FAM13B: variants seen among roughly 807,000 people sequenced by gnomAD.
The protein encoded by FAM13B is protein FAM13B.
Under a neutral mutation model 117.3 loss-of-function variants are expected in FAM13B, and 60 were observed. The observed-to-expected ratio is 0.51, with a 90% CI of 0.42 to 0.63. FAM13B has a LOEUF of 0.63. Among genes scored for constraint, FAM13B ranks in the 30% least tolerant of loss-of-function variants. The probability of loss-of-function intolerance (pLI) is 0.00; values close to 1 mark genes in which losing one functional copy is unlikely to be tolerated. For synonymous variants in FAM13B, 332 were observed against 356.1 expected (o/e 0.93, Z 0.76); for missense variants, 972 against 1,091.9 (o/e 0.89, Z 1.55).
chr5:137,983,165 G>T (rs1776242812), intron 10 of FAM13B, among the ~76,000 whole-genome samples: 1 of 123,480 alleles, frequency 8.1e-6, no homozygotes, highest in Non-Finnish European at 1.7e-5. Flanking sequence ...AGAAAGAACA[G>T]CCAGTGTAGG....
chr5:137,943,354 G>T, intron 20 of FAM13B, 138 bp from the exon 21 acceptor site: 2 of 656,058 alleles, frequency 3.0e-6, no homozygotes, highest in South Asian at 4.6e-5. Context: ...TTTAGGAATT[G>T]CTTACATTTA....
intron 10 of FAM13B, among the ~76,000 whole-genome samples, chr5:137,968,616 C>T (rs565407111): frequency 9.2e-5 from 14 of 152,128 alleles, no homozygotes; most frequent in Admixed American, 7.8e-4. Context: ...CCAAGATGGC[C>T]GAATAGGAAC....
chr5:138,048,395 G>T (rs572170085), intron 1 of FAM13B, among the ~76,000 whole-genome samples: 1 of 152,278 alleles, frequency 6.6e-6, no homozygotes, highest in East Asian at 1.9e-4. Context: ...GGAGGGTACA[G>T]AACTTATAGG....
At chr5:137,986,908 A>G (rs1173441567) in intron 9 of FAM13B, among the ~76,000 whole-genome samples, 1 of 152,178 alleles carries the variant, frequency 6.6e-6, no homozygotes, top group African/African-American at 2.4e-5. Context: ...CAGTGCTCAA[A>G]GTTTTGGATT....
chr5:137,992,204 G>A (rs1029909045), intron 7 of FAM13B, among the ~76,000 whole-genome samples: 3 of 151,500 alleles, frequency 2.0e-5, no homozygotes, highest in Admixed American at 2.0e-4. Flanking sequence ...GAGCCATCGT[G>A]CTCAGCCAGG....
chr5:138,015,105 G>A lies in FAM13B; in HGVS notation c.371-3160C>T, dbSNP rs536336168. On this transcript the variant is annotated intron_variant, in intron 4 of 23. Transcript: ENST00000689681. ...AAGTTGTCAACATCTGACAATGAAC[G>A]GTTGTCATGACTTTGGGGAAGACAG... Among the ~76,000 whole-genome samples, 4 of 152,288 alleles carry A rather than the reference G, an allele frequency of 2.6e-5. No homozygotes were observed. In the East Asian group the frequency reaches 5.8e-4, roughly 22 times the overall value.
At chr5:138,021,268 G>T in intron 1 of FAM13B, 71 bp from the exon 2 acceptor site, 1 of 1,116,378 alleles carries the variant, frequency 9.0e-7, no homozygotes, top group Non-Finnish European at 1.1e-6. Context: ...AATAGAAGCA[G>T]CAGTACAGTC....
rs185947068 is a variant in FAM13B at position 138,030,893 on chromosome 5, C to A, written c.-203+1889G>T. On this transcript the variant is annotated intron_variant, in intron 1 of 23. Coordinates refer to ENST00000689681, the MANE Select transcript of FAM13B (RefSeq NM_001385994.1). The stretch of plus-strand genomic sequence containing the variant: ...ACAAAAAATACAAAAATTAGTCAGG[C>A]GCAGTGGCAAGCACCGGTAGTCCTA... Among the ~76,000 whole-genome samples the A allele has an allele frequency of 1.2e-3, 188 of 152,000 alleles. 4 individuals are homozygous for A. Among genetic ancestry groups the A allele is most frequent in the Middle Eastern group, 0.01 (3 of 294 alleles).
chr5:137,962,917 C>T (rs1337012145), intron 10 of FAM13B, among the ~76,000 whole-genome samples: 1 of 151,982 alleles, frequency 6.6e-6, no homozygotes, highest in Admixed American at 6.6e-5. Flanking sequence ...AAAGAAAGTC[C>T]CCACATGAGA....
intron 7 of FAM13B, among the ~76,000 whole-genome samples, chr5:138,003,782 C>T (rs914152879): frequency 6.6e-6 from 1 of 152,204 alleles, no homozygotes; most frequent in African/African-American, 2.4e-5. Flanking sequence ...CAGACGGAGG[C>T]AGTCAGAACT....
rs1398193104 is a variant in FAM13B at position 137,954,343 on chromosome 5, T to A, written c.1541A>T (p.Asp514Val). The change falls in exon 15 of 24, where the codon GAC (aspartate) becomes GTC (valine). Residue 514 changes from aspartate (D) to valine (V), a missense_variant. Transcript: ENST00000689681. ...CAGCTGAGCTTCTCCAGACTCAGAG[T>A]CCTCCTGCCAAGACTTAAAAGCAGG... The part of the protein sequence containing the change: ...PFPAFKSWQE[D>V]SESGEAQLSP... 6.2e-7 allele frequency: 1 copy of A among 1,613,558 alleles called. No individual in the cohort carries two copies. The highest frequency in any genetic ancestry group is 8.5e-7 in the Non-Finnish European group (1 of 1,179,888).
In FAM13B at chr5:137,957,702, C is replaced by T. The variant is rs140547025; in HGVS notation, c.1442-1160G>A. Among the ~76,000 whole-genome samples, 9 of 152,264 alleles carry T rather than the reference C, an allele frequency of 5.9e-5. No individual in the cohort carries two copies. In the East Asian group the frequency reaches 1.2e-3, roughly 20 times the overall value. On this transcript the variant is annotated intron_variant, in intron 13 of 23. Coordinates refer to ENST00000689681, the MANE Select transcript of FAM13B (RefSeq NM_001385994.1). ...AGTTCGCTCAGGTGTCTGTAACTGT[C>T]GGCTTTCTGAAAGTTGCGGACCCCT...
At chr5:138,014,508 A>C (rs2150933701) in intron 4 of FAM13B, among the ~76,000 whole-genome samples, 1 of 152,274 alleles carries the variant, frequency 6.6e-6, no homozygotes, top group South Asian at 2.1e-4. Context: ...TCATCCCAAA[A>C]CCATTCCTCC....
intron 10 of FAM13B, among the ~76,000 whole-genome samples, chr5:137,983,176 TAAAA>T (rs56880991): frequency 8.0e-5 from 6 of 75,094 alleles, no homozygotes; most frequent in African/African-American, 1.7e-4. Context: ...CCAGTGTAGG[TAAAA>T]AAAAAAAAAA....
At chr5:137,946,135 C>CA (rs1763358819) in intron 19 of FAM13B, 93 bp downstream of exon 19, 1 of 1,306,904 alleles carries the variant, frequency 7.7e-7, no homozygotes, top group South Asian at 1.3e-5. Context: ...AAATAATGCT[C>CA]AAAAAACAGC....
At chr5:138,023,129 G>T (rs191003498) in intron 1 of FAM13B, among the ~76,000 whole-genome samples, 1 of 152,188 alleles carries the variant, frequency 6.6e-6, no homozygotes, top group East Asian at 1.9e-4. Flanking sequence ...CTCATCTCAT[G>T]ACCTCTACTA....
chr5:137,997,359 CT>C (rs1780124094), intron 7 of FAM13B, among the ~76,000 whole-genome samples: 1 of 152,078 alleles, frequency 6.6e-6, no homozygotes, highest in South Asian at 2.1e-4. Flanking sequence ...ATCCCAGCTA[CT>C]TGGGAGGCTG....
chr5:137,990,263 C>G (rs1778289955), intron 7 of FAM13B, among the ~76,000 whole-genome samples: 1 of 152,066 alleles, frequency 6.6e-6, no homozygotes, highest in African/African-American at 2.4e-5. Flanking sequence ...TTTTTAATAT[C>G]TAATTATAAT....
Position 138,013,637 on chromosome 5 carries a change from A to C in FAM13B, c.371-1692T>G, listed in dbSNP as rs530943198. On this transcript the variant is annotated intron_variant, in intron 4 of 23. Transcript: ENST00000689681. ...CAGCTGTCCATTCAAATGTACCAGT[A>C]CTTCAATTTTAAAATCAGACAGAAT... 4.0e-4 allele frequency among the ~76,000 whole-genome samples: 61 copies of C among 152,362 alleles called. No individual in the cohort carries two copies. The South Asian group carries it at 0.012, about 30-fold the overall frequency.
Sources: allele counts gnomAD v4.1 joint callset (sites outside exome capture counted in the v4.1 genomes callset), GRCh38; gene constraint gnomAD v4.1.1; transcripts MANE v1.5; gene names NCBI Gene and HGNC (gene_info 2026-07-23, HGNC 2026-07-21).